Variants in AGBL4 observed in about 807,000 individuals in gnomAD.
The protein encoded by AGBL4 is cytosolic carboxypeptidase 6.
Under a neutral mutation model 66.4 loss-of-function variants are expected in AGBL4, and 58 were observed. The ratio of observed to expected loss-of-function variants is 0.87; its 90% CI spans 0.71 to 1.09. The LOEUF (loss-of-function observed/expected upper bound fraction) is 1.09, where lower values mean the gene tolerates loss of function less well. Among genes scored for constraint, AGBL4 ranks in the 50% least tolerant of loss-of-function variants. The pLI is 0.00. For synonymous variants in AGBL4, 234 were observed against 222.9 expected, an observed-to-expected ratio of 1.05 and a Z score of -0.44; for missense variants, 579 against 631.0, an observed-to-expected ratio of 0.92 and a Z score of 0.88.
intron 2 of AGBL4, among the ~76,000 whole-genome samples, chr1:49,792,200 G>C (rs1312566979): frequency 6.6e-6 from 1 of 151,716 alleles, no homozygotes; most frequent in Non-Finnish European, 1.5e-5. Flanking sequence ...TAGCTTCGGG[G>C]GAGCCATGTT....
At chr1:49,511,809 G>GTAC (rs1221980014) in intron 3 of AGBL4, among the ~76,000 whole-genome samples, 1 of 151,670 alleles carries the variant, frequency 6.6e-6, no homozygotes, top group Non-Finnish European at 1.5e-5. Flanking sequence ...TTTTAACATT[G>GTAC]TACATGGACA....
At chr1:49,492,446 G>C (rs922695803) in intron 3 of AGBL4, among the ~76,000 whole-genome samples, 1 of 151,918 alleles carries the variant, frequency 6.6e-6, no homozygotes, top group African/African-American at 2.4e-5. Flanking sequence ...ACTTGACTGT[G>C]GGTAACTGAA....
At chr1:49,015,426 T>A (rs1342863026) in intron 5 of AGBL4, among the ~76,000 whole-genome samples, 1 of 149,688 alleles carries the variant, frequency 6.7e-6, no homozygotes, top group Non-Finnish European at 1.5e-5. Context: ...CAAGTAATTT[T>A]TTTTTTTTTT....
At chr1:48,559,651 C>T (rs973628892) in intron 11 of AGBL4, among the ~76,000 whole-genome samples, 2 of 152,186 alleles carry the variant, frequency 1.3e-5, no homozygotes, top group African/African-American at 4.8e-5. Context: ...TTTCCCTCCA[C>T]TGTGGCTGCT....
intron 3 of AGBL4, among the ~76,000 whole-genome samples, chr1:49,530,365 T>C (rs1232592948): frequency 1.3e-5 from 2 of 151,506 alleles, no homozygotes; most frequent in East Asian, 1.9e-4. Context: ...TACGTATACA[T>C]GTGCCATGTT....
intron 4 of AGBL4, among the ~76,000 whole-genome samples, chr1:49,234,897 G>GT (rs1650597880): frequency 6.6e-6 from 1 of 152,316 alleles, no homozygotes; most frequent in East Asian, 1.9e-4. Flanking sequence ...CTGACTAGCT[G>GT]TAAGACCGTT....
chr1:49,950,234 A>C (rs1386425165), intron 1 of AGBL4, among the ~76,000 whole-genome samples: 2 of 150,128 alleles, frequency 1.3e-5, no homozygotes, highest in African/African-American at 2.4e-5. Context: ...AAAAGGAATG[A>C]ACTAATGGTA....
chr1:49,532,767 G>A (rs1651241160), intron 3 of AGBL4, among the ~76,000 whole-genome samples: 2 of 152,188 alleles, frequency 1.3e-5, no homozygotes, highest in East Asian at 3.9e-4. Flanking sequence ...CTGTTTCTAA[G>A]GTCACCTATC....
chr1:49,160,421 A>G (rs1448627308), intron 4 of AGBL4, among the ~76,000 whole-genome samples: 1 of 151,998 alleles, frequency 6.6e-6, no homozygotes, highest in Non-Finnish European at 1.5e-5. Flanking sequence ...TTGCTGCCTG[A>G]TCCTTCCTCA....
At chr1:48,708,829 C>T (rs1383380419) in intron 6 of AGBL4, among the ~76,000 whole-genome samples, 3 of 152,216 alleles carry the variant, frequency 2.0e-5, no homozygotes, top group Non-Finnish European at 4.4e-5. Context: ...CTCCCTCTGC[C>T]TCCCTTGGCC....
At chr1:49,820,826 G>C (rs1351208592) in intron 2 of AGBL4, among the ~76,000 whole-genome samples, 1 of 152,062 alleles carries the variant, frequency 6.6e-6, no homozygotes, top group African/African-American at 2.4e-5. Flanking sequence ...GGTAGGCCTG[G>C]GCTGAACTCC....
intron 1 of AGBL4, among the ~76,000 whole-genome samples, chr1:49,918,615 G>C (rs1000990614): frequency 2.6e-5 from 4 of 152,100 alleles, no homozygotes; most frequent in Admixed American, 6.5e-5. Flanking sequence ...ACCAAAAAAA[G>C]TCCAGGACCA....
chr1:49,109,179 G>A (rs986400651), intron 4 of AGBL4, among the ~76,000 whole-genome samples: 2 of 152,084 alleles, frequency 1.3e-5, no homozygotes, highest in African/African-American at 2.4e-5. Flanking sequence ...TTCTCTCCTC[G>A]GTAGCATCAC....
intron 2 of AGBL4, among the ~76,000 whole-genome samples, chr1:49,802,623 C>T (rs1004979829): frequency 6.6e-5 from 10 of 152,294 alleles, no homozygotes; most frequent in Admixed American, 5.9e-4. Flanking sequence ...CATCTCACCT[C>T]ATAATCAAAT....
At chr1:49,199,834 A>C (rs1647545407) in intron 4 of AGBL4, among the ~76,000 whole-genome samples, 1 of 152,156 alleles carries the variant, frequency 6.6e-6, no homozygotes, top group African/African-American at 2.4e-5. Flanking sequence ...GTTGGCAATT[A>C]GTCCTTGTCT....
At chr1:49,298,685 A>G (rs189251531) in intron 3 of AGBL4, among the ~76,000 whole-genome samples, 2 of 150,738 alleles carry the variant, frequency 1.3e-5, no homozygotes, top group East Asian at 3.9e-4. Flanking sequence ...GAAAAAGGAG[A>G]GGGCAAAACT....
chr1:49,832,496 A>C (rs371060757), intron 2 of AGBL4, among the ~76,000 whole-genome samples: 25 of 151,248 alleles, frequency 1.7e-4, no homozygotes, highest in Non-Finnish European at 2.1e-4. Context: ...ATTTATAGTC[A>C]TTTGGGTATA....
At chr1:48,830,443 C>T (rs991113079) in intron 6 of AGBL4, among the ~76,000 whole-genome samples, 2 of 152,192 alleles carry the variant, frequency 1.3e-5, no homozygotes, top group Non-Finnish European at 2.9e-5. Flanking sequence ...GAGTTTCTAG[C>T]TTAGTGCCAA....
chr1:50,022,672 G>GT (rs1662539698), intron 1 of AGBL4, among the ~76,000 whole-genome samples: 1 of 147,868 alleles, frequency 6.8e-6, no homozygotes, highest in African/African-American at 2.5e-5. Flanking sequence ...CAGGACCAAA[G>GT]TAATTCAAGT....
Sources: allele counts gnomAD v4.1 joint callset (sites outside exome capture counted in the v4.1 genomes callset), GRCh38; gene constraint gnomAD v4.1.1; transcripts MANE v1.5; gene names NCBI Gene and HGNC (gene_info 2026-07-23, HGNC 2026-07-21).